CSMD2: variants seen among roughly 807,000 people sequenced by gnomAD.
The protein encoded by CSMD2 is CUB and Sushi multiple domains 2.
Under a neutral mutation model 398.5 loss-of-function variants are expected in CSMD2, and 130 were observed. The observed-to-expected ratio is 0.33, with a 90% confidence interval of 0.28 to 0.38. CSMD2 has a LOEUF of 0.38. CSMD2 is among the 10% of genes least tolerant of loss of function. The pLI is 1.00. For synonymous variants in CSMD2, 1,828 were observed against 1,908.5 expected, an observed-to-expected ratio of 0.96 and a Z score of 1.10; for missense variants, 3,829 against 4,764.9, an observed-to-expected ratio of 0.80 and a Z score of 5.78.
intron 46 of CSMD2, among the ~76,000 whole-genome samples, chr1:33,586,171 C>T (rs530992000): frequency 4.6e-5 from 7 of 152,300 alleles, no homozygotes; most frequent in East Asian, 1.9e-4. Flanking sequence ...TGTGAGCCCA[C>T]GCCCACACCA....
intron 3 of CSMD2, among the ~76,000 whole-genome samples, chr1:33,991,418 G>A (rs764349962): frequency 3.9e-5 from 6 of 152,142 alleles, no homozygotes; most frequent in South Asian, 2.1e-4. Context: ...TTAGTTTACC[G>A]CTGTACATCC....
At chr1:34,026,629 A>T (rs1235671453) in intron 3 of CSMD2, among the ~76,000 whole-genome samples, 1 of 151,938 alleles carries the variant, frequency 6.6e-6, no homozygotes, top group Non-Finnish European at 1.5e-5. Context: ...ACCTGCAGAG[A>T]CTCTTCCCTC....
chr1:34,031,602 A>ACC lies in CSMD2; in HGVS notation c.517+990_517+991dup, dbSNP rs771089594. On this transcript the variant is annotated intron_variant, in intron 3 of 70. Coordinates refer to ENST00000373381, the MANE Select transcript of CSMD2 (RefSeq NM_001281956.2). ...TAAAGCATCAAACCATCTCCCCTATACCCCCTGCCACCAGGGGTGGTTTTT... is the reference window on the plus strand; with the variant it reads ...TAAAGCATCAAACCATCTCCCCTATACCCCCCCTGCCACCAGGGGTGGTTTTT... Among the ~76,000 whole-genome samples, 35 of 151,092 alleles carry ACC rather than the reference A, an allele frequency of 2.3e-4. 2 individuals carry two copies. In the East Asian group the frequency reaches 3.7e-3, roughly 16 times the overall value.
At chr1:33,824,136 T>C (rs1050720288) in intron 7 of CSMD2, among the ~76,000 whole-genome samples, 1 of 152,146 alleles carries the variant, frequency 6.6e-6, no homozygotes, top group African/African-American at 2.4e-5. Context: ...TTGGGATAAA[T>C]ATTTGATCTC....
At chr1:34,158,446 G>A (rs951668374) in intron 1 of CSMD2, among the ~76,000 whole-genome samples, 3 of 152,170 alleles carry the variant, frequency 2.0e-5, no homozygotes, top group Admixed American at 6.5e-5. Context: ...GTGCATTCTC[G>A]AGGTAGAGGG....
chr1:33,537,692 T>C lies in CSMD2; in HGVS notation c.9632-83A>G, dbSNP rs1570656534. The stretch of plus-strand genomic sequence containing the variant: ...AGTCCCACACCCCCATCTTTGTTCT[T>C]TGCACTGCTCCCTTCCTGGTTGAGC... On this transcript the variant is annotated intron_variant, in intron 60 of 70. Transcript: ENST00000373381. This position sits in a 1 kb window ranked among gnomAD's most constrained non-coding sequence, Gnocchi z 4.6. 1 of 1,401,300 alleles carries C rather than the reference T, an allele frequency of 7.1e-7. No individual in the cohort carries two copies. Among genetic ancestry groups the C allele is most frequent in the African/African-American group, 1.4e-5 (1 of 70,398 alleles). The allele number at this position is 1,401,300 out of a possible 1,614,324, so 86.8% of individuals were successfully genotyped here. A position where few individuals can be genotyped will look rare whatever the true frequency, so the allele number is the denominator to read the frequency against.
At chr1:34,111,173 T>A (rs762611990) in intron 1 of CSMD2, among the ~76,000 whole-genome samples, 5 of 152,170 alleles carry the variant, frequency 3.3e-5, no homozygotes, top group Non-Finnish European at 5.9e-5. Flanking sequence ...CAGCACTCAG[T>A]TAATATTGGT....
chr1:33,831,306 G>A (rs867901079), intron 6 of CSMD2, among the ~76,000 whole-genome samples: 3 of 152,170 alleles, frequency 2.0e-5, no homozygotes, highest in Admixed American at 6.5e-5. Context: ...GACTAACAGC[G>A]GATTTCTCGG....
chr1:33,687,926 T>G (rs1352251105), intron 25 of CSMD2, among the ~76,000 whole-genome samples: 3 of 152,138 alleles, frequency 2.0e-5, no homozygotes, highest in Non-Finnish European at 2.9e-5. Context: ...CAATTAAATA[T>G]CCTATTGTCC....
intron 5 of CSMD2, among the ~76,000 whole-genome samples, chr1:33,903,404 C>T (rs539018973): frequency 2.0e-5 from 3 of 151,950 alleles, no homozygotes; most frequent in African/African-American, 7.2e-5. Context: ...CTGATCAGCC[C>T]GCTCTGGCCA....
At position 33,514,366 on chromosome 1, in the gene CSMD2, A is replaced by C. The variant is rs1653579377; in HGVS notation, c.*2258T>G. 1.4e-5 allele frequency: 2 copies of C among 143,944 alleles called. No homozygotes were observed. The highest frequency in any genetic ancestry group is 4.4e-4 in the South Asian group (2 of 4,508). The allele number at this position is 143,944 out of a possible 1,614,324, so 8.9% of individuals were successfully genotyped here. ...AAAAGATTTTTTTTGTCTTTGTTTT[A>C]CTTTTTTTTTTTTCCTCATGGGATG... On this transcript the variant is annotated 3_prime_UTR_variant, in exon 71 of 71. Transcript: ENST00000373381.
At chr1:33,772,511 A>T in intron 13 of CSMD2, 58 bp downstream of exon 13, 1 of 1,531,698 alleles carries the variant, frequency 6.5e-7, no homozygotes, top group African/African-American at 1.4e-5. Flanking sequence ...ATTAGCTAGG[A>T]AACGGGCCCC....
At chr1:33,606,413 C>T (rs1021792426) in intron 41 of CSMD2, among the ~76,000 whole-genome samples, 8 of 152,226 alleles carry the variant, frequency 5.3e-5, no homozygotes, top group African/African-American at 1.4e-4. Flanking sequence ...TGAGCACTCA[C>T]GTGGCTGTGT....
intron 24 of CSMD2, among the ~76,000 whole-genome samples, chr1:33,695,742 T>C (rs12067124): frequency 0.025 from 3,832 of 152,328 alleles, 135 homozygotes; most frequent in African/African-American, 0.079. Flanking sequence ...GTCTAAACTT[T>C]TCAGTAGAGC....
intron 15 of CSMD2, among the ~76,000 whole-genome samples, chr1:33,736,407 G>A (rs1646886438): frequency 6.6e-6 from 1 of 151,992 alleles, no homozygotes; most frequent in Non-Finnish European, 1.5e-5. Context: ...CGTGAACCTG[G>A]GAGGTGGAGC....
At chr1:33,995,564 C>T (rs1205260877) in intron 3 of CSMD2, among the ~76,000 whole-genome samples, 1 of 152,180 alleles carries the variant, frequency 6.6e-6, no homozygotes, top group Non-Finnish European at 1.5e-5. Flanking sequence ...AGGGCTTGTG[C>T]AAAACTTCGA....
intron 39 of CSMD2, among the ~76,000 whole-genome samples, chr1:33,615,288 C>A (rs1641311120): frequency 6.6e-6 from 1 of 152,160 alleles, no homozygotes; most frequent in Non-Finnish European, 1.5e-5. Context: ...GGCACCCCTG[C>A]AGTCTGGTCA....
chr1:33,746,459 G>A (rs1647398468), intron 13 of CSMD2, among the ~76,000 whole-genome samples: 1 of 152,094 alleles, frequency 6.6e-6, no homozygotes, highest in African/African-American at 2.4e-5. Flanking sequence ...TAAGGCCTGA[G>A]ACCCTCTCCC....
chr1:33,650,327 C>A (rs192895540), intron 28 of CSMD2, among the ~76,000 whole-genome samples: 123 of 152,266 alleles, frequency 8.1e-4, no homozygotes, highest in African/African-American at 2.7e-3. Flanking sequence ...AAACACAAAG[C>A]AAGGTTCCTT....
Sources: gnomAD v4.1 joint callset for allele counts (sites outside exome capture counted in the v4.1 genomes callset) on GRCh38, gnomAD v4.1.1 for gene constraint, Gnocchi (gnomAD v3.1) non-coding constraint, MANE v1.5 for transcripts, NCBI Gene and HGNC (gene_info 2026-07-23, HGNC 2026-07-21) for gene names.